The following CYP2J2 variants were observed in gnomAD, a reference collection of about 807,000 sequenced individuals.
CYP2J2 encodes cytochrome P450 family 2 subfamily J member 2, also known as cytochrome P450 2J2.
CYP2J2 carries 41 observed loss-of-function variants against 48.8 expected under a neutral mutation model. The observed-to-expected ratio is 0.84, with a 90% CI of 0.66 to 1.09. The LOEUF is 1.09. CYP2J2 is among the 50% of genes least tolerant of loss of function. CYP2J2 has a pLI of 0.00. For missense variants in CYP2J2, 644 were observed against 617.3 expected (o/e 1.04, Z -0.46); for synonymous variants, 221 against 227.1 (o/e 0.97, Z 0.24).
At chr1:59,953,158 G>A in the CYP2J2 span, among the ~76,000 whole-genome samples, 4 of 152,152 alleles carry the variant, frequency 2.6e-5, no homozygotes, top group Admixed American at 2.0e-4. Context: ...TTATGACAAC[G>A]GGTGGCTGCC....
chr1:59,944,905 G>C, the CYP2J2 span, among the ~76,000 whole-genome samples: 3 of 151,244 alleles, frequency 2.0e-5, no homozygotes, highest in East Asian at 5.8e-4. Context: ...TCTTCTATTG[G>C]GTAGTTGATA....
chr1:59,943,512 A>T, the CYP2J2 span, among the ~76,000 whole-genome samples: 3 of 152,198 alleles, frequency 2.0e-5, no homozygotes, highest in African/African-American at 7.2e-5. Flanking sequence ...TCAGAATTAG[A>T]CAGGCTACAG....
At chr1:59,963,742 G>A in the CYP2J2 span, among the ~76,000 whole-genome samples, 1 of 152,120 alleles carries the variant, frequency 6.6e-6, no homozygotes, top group African/African-American at 2.4e-5. Context: ...CTCAAGTGTA[G>A]CCCTGGATAT....
chr1:59,936,040 T>C, the CYP2J2 span, among the ~76,000 whole-genome samples: 2 of 152,014 alleles, frequency 1.3e-5, no homozygotes, highest in African/African-American at 2.4e-5. Context: ...AGTGCTGGAT[T>C]ACAGGCGTGA....
intron 1 of CYP2J2, among the ~76,000 whole-genome samples, chr1:59,925,616 G>T (rs1443923431): frequency 6.6e-6 from 1 of 152,148 alleles, no homozygotes; most frequent in Non-Finnish European, 1.5e-5. Flanking sequence ...ACATTCTGTG[G>T]CTAATTCTGT....
chr1:59,966,848 C>A, the CYP2J2 span, among the ~76,000 whole-genome samples: 1 of 152,168 alleles, frequency 6.6e-6, no homozygotes, highest in Admixed American at 6.5e-5. Context: ...TATCACTAAA[C>A]CGAACACATT....
At chr1:59,933,574 TG>T in the CYP2J2 span, among the ~76,000 whole-genome samples, 1 of 152,180 alleles carries the variant, frequency 6.6e-6, no homozygotes, top group Non-Finnish European at 1.5e-5. Flanking sequence ...AACAGTTTTT[TG>T]GGGGGTGGTG....
the CYP2J2 span, among the ~76,000 whole-genome samples, chr1:59,936,611 C>G: frequency 6.6e-6 from 1 of 152,154 alleles, no homozygotes; most frequent in East Asian, 1.9e-4. Context: ...CAATTTAGGT[C>G]CTACTTCCTC....
chr1:59,893,641 C>T lies in CYP2J2; in HGVS notation c.*10G>A. The T allele has an allele frequency of 6.4e-7, 1 of 1,570,736 alleles. No homozygotes were observed. Among genetic ancestry groups the T allele is most frequent in the Non-Finnish European group, 8.6e-7 (1 of 1,157,564 alleles). Reference sequence around the variant, plus strand: ...TCTTACTTTCCTTGCCCCTTTCTTTCTTAACAATATTACACCTGAGGAACA... The same window carrying T: ...TCTTACTTTCCTTGCCCCTTTCTTTTTTAACAATATTACACCTGAGGAACA... On this transcript the variant is annotated 3_prime_UTR_variant, in exon 9 of 9. Transcript: ENST00000371204.
the CYP2J2 span, among the ~76,000 whole-genome samples, chr1:59,936,414 T>A: frequency 8.7e-4 from 132 of 152,222 alleles, no homozygotes; most frequent in African/African-American, 3.1e-3. Context: ...AACTCCATAA[T>A]CATGCCACAC....
upstream of CYP2J2, among the ~76,000 whole-genome samples, chr1:59,928,172 G>A (rs1384828250): frequency 6.6e-6 from 1 of 152,086 alleles, no homozygotes; most frequent in African/African-American, 2.4e-5. Context: ...CGTCAGGTTT[G>A]TTATATCTCT....
At chr1:59,904,846 T>C in intron 7 of CYP2J2, 25 bp downstream of exon 7, 1 of 1,595,500 alleles carries the variant, frequency 6.3e-7, no homozygotes, top group South Asian at 1.1e-5. Context: ...CCCTAAAAGA[T>C]GGGCTTGAAG....
the CYP2J2 span, among the ~76,000 whole-genome samples, chr1:59,958,411 C>T: frequency 6.6e-6 from 1 of 152,158 alleles, no homozygotes; most frequent in Non-Finnish European, 1.5e-5. Flanking sequence ...CTAGGTTCTC[C>T]TCTGGGAATA....
At chr1:59,926,812 C>G, upstream of CYP2J2, 2 of 1,417,930 alleles carry the variant, frequency 1.4e-6, no homozygotes, top group Non-Finnish European at 1.9e-6. Context: ...CGACGGTCCC[C>G]GCCCCGCCTC....
intron 8 of CYP2J2, among the ~76,000 whole-genome samples, 184 bp downstream of exon 8, chr1:59,900,781 G>A (rs1376054283): frequency 6.6e-6 from 1 of 152,162 alleles, no homozygotes; most frequent in Non-Finnish European, 1.5e-5. Flanking sequence ...TAGGAAGTAA[G>A]GGCAGGCTGA....
intron 3 of CYP2J2, 74 bp downstream of exon 3, chr1:59,912,088 T>TA (rs1644421670): frequency 6.8e-7 from 1 of 1,462,894 alleles, no homozygotes; most frequent in Non-Finnish European, 9.2e-7. Context: ...AACAAGCACT[T>TA]ACTCACTTAG....
rs183755428 is a variant in CYP2J2 at position 59,906,526 on chromosome 1, A to G, written c.1003+1260T>C. 3.3e-5 allele frequency among the ~76,000 whole-genome samples: 5 copies of G among 152,328 alleles called. No homozygotes were observed. The East Asian group carries it at 9.6e-4, about 29-fold the overall frequency. ...TCTTATTTGGGGGTAAAATACCCAT[A>G]ACATAAAATTTACTATGTTAGCATT... On this transcript the variant is annotated intron_variant, in intron 6 of 8. Coordinates refer to ENST00000371204, the MANE Select transcript of CYP2J2 (RefSeq NM_000775.4).
At position 59,898,572 on chromosome 1, in the gene CYP2J2, A is replaced by G. The variant is rs138793161; in HGVS notation, c.1330+2393T>C. Among the ~76,000 whole-genome samples the G allele has an allele frequency of 2.0e-4, 30 of 152,358 alleles. 1 individual carries two copies. In the East Asian group the frequency reaches 4.8e-3, roughly 24 times the overall value. ...TTTGGACTGTTTGTTATGTAGCAAT[A>G]TGCTAACTGATGCATATGTTATGAA... On this transcript the variant is annotated intron_variant, in intron 8 of 8. Transcript: ENST00000371204.
At chr1:59,945,423 TATCTATCTATC>T in the CYP2J2 span, among the ~76,000 whole-genome samples, 1 of 143,372 alleles carries the variant, frequency 7.0e-6, no homozygotes, top group African/African-American at 2.5e-5. Flanking sequence ...TCTATCTATC[TATCTATCTATC>T]TATCTATCTC....
Sources: gnomAD v4.1 joint callset for allele counts (sites outside exome capture counted in the v4.1 genomes callset) on GRCh38, gnomAD v4.1.1 for gene constraint, MANE v1.5 for transcripts, NCBI Gene and HGNC (gene_info 2026-07-23, HGNC 2026-07-21) for gene names.